PCDH9: variants seen among roughly 807,000 people sequenced by gnomAD.
PCDH9 encodes the protein protocadherin 9.
PCDH9 carries 24 observed loss-of-function variants against 70.6 expected under a neutral mutation model. The ratio of observed to expected loss-of-function variants is 0.34; its 90% CI spans 0.25 to 0.48. The LOEUF (loss-of-function observed/expected upper bound fraction) is 0.48. PCDH9 is among the 20% of genes least tolerant of loss of function. The pLI is 0.99. For missense variants in PCDH9, 1,281 were observed against 1,503.6 expected, an observed-to-expected ratio of 0.85 and a Z score of 2.45; for synonymous variants, 562 against 558.5, an observed-to-expected ratio of 1.01 and a Z score of -0.09.
At chr13:67,069,530 A>G (rs1021271929) in intron 2 of PCDH9, among the ~76,000 whole-genome samples, 1 of 152,188 alleles carries the variant, frequency 6.6e-6, no homozygotes, top group Non-Finnish European at 1.5e-5. Context: ...TAATAGGATT[A>G]CGTCAGCCTC....
At chr13:66,360,872 C>G (rs957280979) in intron 4 of PCDH9, among the ~76,000 whole-genome samples, 5 of 151,988 alleles carry the variant, frequency 3.3e-5, no homozygotes, top group Non-Finnish European at 5.9e-5. Flanking sequence ...AAGCAATTAC[C>G]CAGCACTAGG....
intron 2 of PCDH9, among the ~76,000 whole-genome samples, chr13:66,969,273 T>C (rs943004853): frequency 1.3e-5 from 2 of 152,024 alleles, no homozygotes; most frequent in Non-Finnish European, 2.9e-5. Context: ...GATTTTTATT[T>C]TTTAGAATCC....
chr13:66,955,836 T>C (rs1384792912), intron 2 of PCDH9, among the ~76,000 whole-genome samples: 1 of 152,096 alleles, frequency 6.6e-6, no homozygotes, highest in African/African-American at 2.4e-5. Flanking sequence ...TATGCAAATA[T>C]AAGAACATAG....
At chr13:66,705,184 A>C (rs1285385478) in intron 3 of PCDH9, among the ~76,000 whole-genome samples, 1 of 152,140 alleles carries the variant, frequency 6.6e-6, no homozygotes, top group Non-Finnish European at 1.5e-5. Flanking sequence ...AAAATAAATA[A>C]GATTTCTTAG....
chr13:67,025,670 G>A (rs2084765232), intron 2 of PCDH9, among the ~76,000 whole-genome samples: 1 of 152,058 alleles, frequency 6.6e-6, no homozygotes, highest in Admixed American at 6.6e-5. Context: ...GGAAGAGGAG[G>A]AAGATTTGAA....
intron 2 of PCDH9, among the ~76,000 whole-genome samples, chr13:67,129,304 A>G (rs139218919): frequency 2.7e-4 from 41 of 152,320 alleles, no homozygotes; most frequent in Non-Finnish European, 4.3e-4. Flanking sequence ...CTATAATTAT[A>G]TTCATGGTAA....
At chr13:66,655,202 A>C (rs2077911816) in intron 3 of PCDH9, among the ~76,000 whole-genome samples, 1 of 152,114 alleles carries the variant, frequency 6.6e-6, no homozygotes, top group Non-Finnish European at 1.5e-5. Flanking sequence ...CTGAATTTCA[A>C]CCATGAAAAA....
rs142791032 is a variant in PCDH9, at chr13:66,995,152, T to G, written c.3037-91547A>C. Among the ~76,000 whole-genome samples, 627 of 152,288 alleles carry G rather than the reference T, an allele frequency of 4.1e-3. 5 individuals carry two copies. The highest frequency in any genetic ancestry group is 0.015 in the African/African-American group (603 of 41,556). ...GGCATAAGTCACATTTTTAAATTAT[T>G]TTTTATTAAATGTTAGATAGAATAA... On this transcript the variant is annotated intron_variant, in intron 2 of 4. Transcript: ENST00000377865.
chr13:66,790,601 G>A (rs1454382461), intron 3 of PCDH9, among the ~76,000 whole-genome samples: 1 of 151,968 alleles, frequency 6.6e-6, no homozygotes, highest in South Asian at 2.1e-4. Flanking sequence ...ATGGTGTGAG[G>A]CAGGGGCCTG....
chr13:67,116,607 C>T (rs1041886238), intron 2 of PCDH9, among the ~76,000 whole-genome samples: 2 of 152,156 alleles, frequency 1.3e-5, no homozygotes, highest in Non-Finnish European at 2.9e-5. Flanking sequence ...CTACAAAACA[C>T]ATGGGTGAGT....
chr13:66,796,673 G>T (rs940902858), intron 3 of PCDH9, among the ~76,000 whole-genome samples: 5 of 152,002 alleles, frequency 3.3e-5, no homozygotes, highest in African/African-American at 1.2e-4. Context: ...CTTTCAACAA[G>T]TATCTGTTGA....
intron 2 of PCDH9, among the ~76,000 whole-genome samples, chr13:66,903,854 C>T (rs1035455544): frequency 6.6e-6 from 1 of 151,922 alleles, no homozygotes; most frequent in Non-Finnish European, 1.5e-5. Context: ...TTTACTTTTA[C>T]CTTTTTTAGG....
At chr13:66,486,454 C>T (rs1332819980) in intron 4 of PCDH9, among the ~76,000 whole-genome samples, 1 of 2,984 alleles carries the variant, frequency 3.4e-4, no homozygotes, top group East Asian at 0.012. Context: ...TAGACCCTGT[C>T]CCCCCCCCAC....
chr13:66,402,162 T>A (rs959784579), intron 4 of PCDH9, among the ~76,000 whole-genome samples: 1 of 152,096 alleles, frequency 6.6e-6, no homozygotes, highest in Non-Finnish European at 1.5e-5. Flanking sequence ...TACGTGATAT[T>A]TGACTCTATC....
At chr13:67,177,141 C>A (rs1281338969) in intron 2 of PCDH9, among the ~76,000 whole-genome samples, 1 of 152,022 alleles carries the variant, frequency 6.6e-6, no homozygotes, top group African/African-American at 2.4e-5. Flanking sequence ...AGAAATAATA[C>A]AAGATTTCTA....
At chr13:66,305,458 A>G (rs1188747182) in intron 4 of PCDH9, among the ~76,000 whole-genome samples, 1 of 152,080 alleles carries the variant, frequency 6.6e-6, no homozygotes, top group Non-Finnish European at 1.5e-5. Flanking sequence ...TAAAGAATAT[A>G]TAAATAATAC....
At chr13:66,889,123 G>A (rs1231175649) in intron 3 of PCDH9, among the ~76,000 whole-genome samples, 1 of 152,284 alleles carries the variant, frequency 6.6e-6, no homozygotes, top group East Asian at 1.9e-4. Context: ...TTGGCCATAA[G>A]CGAGTAGATA....
intron 4 of PCDH9, among the ~76,000 whole-genome samples, chr13:66,316,705 C>T (rs1298465517): frequency 1.3e-5 from 2 of 152,060 alleles, no homozygotes; most frequent in South Asian, 2.1e-4. Flanking sequence ...ATATCCTCTA[C>T]TCAGTCAATT....
intron 4 of PCDH9, among the ~76,000 whole-genome samples, chr13:66,360,512 T>C (rs2138192019): frequency 6.6e-6 from 1 of 152,266 alleles, no homozygotes; most frequent in Middle Eastern, 3.4e-3. Context: ...TTATGAATGT[T>C]AATTAAAGGA....
Sources: gnomAD v4.1 joint callset for allele counts (sites outside exome capture counted in the v4.1 genomes callset) on GRCh38, gnomAD v4.1.1 for gene constraint, MANE v1.5 for transcripts, NCBI Gene and HGNC (gene_info 2026-07-23, HGNC 2026-07-21) for gene names.